The following KIF16B variants were observed in gnomAD, a reference collection of about 807,000 sequenced individuals.
KIF16B encodes kinesin-like protein KIF16B.
In KIF16B, 98 loss-of-function variants were observed where a neutral mutation model predicts 156.3. That is an observed-to-expected ratio of 0.63 (90% CI 0.53 to 0.74). KIF16B has a LOEUF of 0.74. KIF16B is among the 30% of genes least tolerant of loss of function. The pLI, the probability that KIF16B is intolerant of heterozygous loss-of-function variation, is 0.00. For missense variants in KIF16B, 1,421 were observed against 1,606.5 expected (o/e 0.88, Z 1.97); for synonymous variants, 564 against 583.7 (o/e 0.97, Z 0.49).
At chr20:16,415,834 CA>C (rs781283136) in intron 15 of KIF16B, among the ~76,000 whole-genome samples, 4 of 152,132 alleles carry the variant, frequency 2.6e-5, no homozygotes, top group Non-Finnish European at 4.4e-5. Context: ...TTTGGTTCTG[CA>C]TAAGCTGAAA....
At chr20:16,350,880 C>T (rs1320593816) in intron 23 of KIF16B, among the ~76,000 whole-genome samples, 5 of 127,854 alleles carry the variant, frequency 3.9e-5, no homozygotes, top group African/African-American at 1.1e-4. Context: ...CAGTCAGGCA[C>T]GGGGTGGGCA....
intron 11 of KIF16B, among the ~76,000 whole-genome samples, chr20:16,496,633 A>G (rs1423290493): frequency 6.6e-6 from 1 of 152,232 alleles, no homozygotes; most frequent in Non-Finnish European, 1.5e-5. Context: ...TAATACGTTT[A>G]TTAGTTTCCA....
At chr20:16,555,708 G>A (rs2070822353) in intron 1 of KIF16B, among the ~76,000 whole-genome samples, 1 of 152,168 alleles carries the variant, frequency 6.6e-6, no homozygotes, top group South Asian at 2.1e-4. Flanking sequence ...ATTAGTGATA[G>A]CTACCTCTCA....
At chr20:16,275,919 A>G (rs889760349) in intron 25 of KIF16B, among the ~76,000 whole-genome samples, 3 of 152,234 alleles carry the variant, frequency 2.0e-5, no homozygotes, top group East Asian at 3.9e-4. Context: ...GCATGTGCAC[A>G]ACTGATTGTT....
At chr20:16,394,246 C>CA (rs1343993470) in intron 17 of KIF16B, among the ~76,000 whole-genome samples, 6 of 152,178 alleles carry the variant, frequency 3.9e-5, no homozygotes, top group Admixed American at 6.5e-5. Flanking sequence ...TGAATAAAGA[C>CA]AGATTGTTCT....
intron 23 of KIF16B, among the ~76,000 whole-genome samples, chr20:16,341,037 T>C (rs1426816978): frequency 2.0e-5 from 3 of 152,146 alleles, no homozygotes; most frequent in Non-Finnish European, 2.9e-5. Context: ...TGAGTGCTTA[T>C]AATAGAAGGT....
chr20:16,442,319 T>C (rs2066822598), intron 12 of KIF16B, among the ~76,000 whole-genome samples: 1 of 142,744 alleles, frequency 7.0e-6, no homozygotes, highest in African/African-American at 2.7e-5. Flanking sequence ...ATTGGCTAGA[T>C]TTAACCATTT....
chr20:16,501,377 A>ATTCTTGGTTCAATACCAAGAATTGAATT (rs2068620616), intron 10 of KIF16B, among the ~76,000 whole-genome samples: 1 of 151,228 alleles, frequency 6.6e-6, no homozygotes, highest in African/African-American at 2.4e-5. Flanking sequence ...CAAGAATTTA[A>ATTCTTGGTTCAATACCAAGAATTGAATT]CCGGCACTTC....
chr20:16,495,413 A>G (rs918114834), intron 11 of KIF16B, among the ~76,000 whole-genome samples: 17 of 152,354 alleles, frequency 1.1e-4, no homozygotes, highest in African/African-American at 4.1e-4. Context: ...AACTTAATGA[A>G]AGAAAGCATC....
At chr20:16,323,424 T>C (rs2063799409) in intron 24 of KIF16B, among the ~76,000 whole-genome samples, 1 of 151,972 alleles carries the variant, frequency 6.6e-6, no homozygotes, top group African/African-American at 2.4e-5. Context: ...AATTCTCACA[T>C]CTGACTAGAT....
At chr20:16,274,338 C>G (rs546936493) in intron 25 of KIF16B, among the ~76,000 whole-genome samples, 2 of 152,300 alleles carry the variant, frequency 1.3e-5, no homozygotes, top group South Asian at 4.1e-4. Context: ...GCAACATTAT[C>G]TGCCGTTTTT....
chr20:16,285,211 GAGT>G (rs947269798), intron 25 of KIF16B, among the ~76,000 whole-genome samples: 21 of 152,156 alleles, frequency 1.4e-4, no homozygotes, highest in African/African-American at 5.1e-4. Context: ...TAAGATTCTG[GAGT>G]AACCATGCCT....
At position 16,381,724 on chromosome 20, in the gene KIF16B, C is replaced by T. The variant is rs766627223; in HGVS notation, c.1808G>A (p.Arg603His). 63 of 1,611,772 alleles carry T rather than the reference C, an allele frequency of 3.9e-5. No individual in the cohort carries two copies. Among genetic ancestry groups the T allele is most frequent in the Non-Finnish European group, 4.8e-5 (56 of 1,178,786 alleles). ...NPGLEFERQQREELEKLESKR... is the reference protein window; with the variant it reads ...NPGLEFERQQHEELEKLESKR... ...ACTTTCTAATTTTTCAAGTTCTTCA[C>T]GCTGTTGCCTCTCAAATTCAAGTCT... Residue 603 changes from arginine (R) to histidine (H), a missense_variant, in exon 18 of 26, where the codon CGT becomes CAT. Physicochemically the swap from Arg to His is conservative, Grantham distance 29. Coordinates refer to ENST00000354981, the MANE Select transcript of KIF16B (RefSeq NM_024704.5).
rs149133510 is a variant in KIF16B at position 16,425,059 on chromosome 20, C to A, written c.1612+2045G>T. On this transcript the variant is annotated intron_variant, in intron 15 of 25. Coordinates refer to ENST00000354981, the MANE Select transcript of KIF16B (RefSeq NM_024704.5). ...ACACACGTTTTCCTAGCTCTGTTCA[C>A]AGAAAGCATATGGAAGCAGTGACAC... 4.2e-4 allele frequency among the ~76,000 whole-genome samples: 64 copies of A among 152,216 alleles called. No homozygotes were observed. In the East Asian group the frequency reaches 9.1e-3, roughly 22 times the overall value.
intron 15 of KIF16B, among the ~76,000 whole-genome samples, chr20:16,412,386 G>A (rs1327857791): frequency 6.6e-6 from 1 of 152,080 alleles, no homozygotes; most frequent in East Asian, 1.9e-4. Context: ...AGAAGTCTAT[G>A]AATGAAGAGA....
chr20:16,502,037 A>G (rs2068641933), intron 10 of KIF16B, among the ~76,000 whole-genome samples: 1 of 152,138 alleles, frequency 6.6e-6, no homozygotes, highest in Non-Finnish European at 1.5e-5. Context: ...AAACTACTAC[A>G]TATATCTACA....
intron 25 of KIF16B, among the ~76,000 whole-genome samples, chr20:16,273,900 C>T (rs2063021090): frequency 6.6e-6 from 1 of 152,092 alleles, no homozygotes. Flanking sequence ...ATCTTTGGCT[C>T]AGCACTGATT....
At chr20:16,290,385 T>A (rs1167257993) in intron 25 of KIF16B, among the ~76,000 whole-genome samples, 2 of 152,220 alleles carry the variant, frequency 1.3e-5, no homozygotes, top group Non-Finnish European at 2.9e-5. Flanking sequence ...GAATGAGCTA[T>A]GCCTCTAATA....
At chr20:16,506,887 G>A (rs1238413157) in intron 7 of KIF16B, among the ~76,000 whole-genome samples, 2 of 151,666 alleles carry the variant, frequency 1.3e-5, no homozygotes, top group Admixed American at 6.6e-5. Flanking sequence ...TTGAGCCCAG[G>A]AGTTCAAGAC....
Sources: allele counts gnomAD v4.1 joint callset (sites outside exome capture counted in the v4.1 genomes callset), GRCh38; gene constraint gnomAD v4.1.1; transcripts MANE v1.5; gene names NCBI Gene and HGNC (gene_info 2026-07-23, HGNC 2026-07-21).